The following GRB2 variants were observed in gnomAD, a reference collection of about 807,000 sequenced individuals.
GRB2 encodes growth factor receptor-bound protein 2.
GRB2 carries 2 observed loss-of-function variants against 27.4 expected under a neutral mutation model. The observed-to-expected ratio is 0.07, with a 90% CI of 0.03 to 0.23. GRB2 has a LOEUF of 0.23. Among genes scored for constraint, GRB2 ranks in the 10% least tolerant of loss-of-function variants. The pLI, the probability that GRB2 is intolerant of heterozygous loss-of-function variation, is 1.00. For missense variants in GRB2, 102 were observed against 282.4 expected, an observed-to-expected ratio of 0.36 and a Z score of 4.58; for synonymous variants, 94 against 99.6, an observed-to-expected ratio of 0.94 and a Z score of 0.33.
chr17:75,372,216 T>C (rs1024873063), intron 2 of GRB2: 7 of 152,278 alleles, frequency 4.6e-5, no homozygotes, highest in African/African-American at 1.7e-4. Flanking sequence ...CTAAGAGAAC[T>C]CTTATTTCCA....
chr17:75,399,015 TG>T, intron 1 of GRB2, among the ~76,000 whole-genome samples: 1 of 152,296 alleles, frequency 6.6e-6, no homozygotes, highest in South Asian at 2.1e-4. Context: ...CCCAAAGTGC[TG>T]GGATTACAGG....
chr17:75,391,369 T>C (rs962362470), intron 2 of GRB2, among the ~76,000 whole-genome samples: 15 of 152,236 alleles, frequency 9.9e-5, no homozygotes, highest in Non-Finnish European at 1.0e-4. Flanking sequence ...AAACAGGATC[T>C]TCTTCCCTAA....
chr17:75,348,467 T>C (rs2078668247), intron 2 of GRB2, among the ~76,000 whole-genome samples: 1 of 152,216 alleles, frequency 6.6e-6, no homozygotes, highest in South Asian at 2.1e-4. Context: ...AATTGCACTT[T>C]AGATATTGTT....
intron 2 of GRB2, among the ~76,000 whole-genome samples, chr17:75,337,892 C>T (rs1246340598): frequency 3.9e-5 from 5 of 127,652 alleles, no homozygotes; most frequent in South Asian, 2.6e-4. Context: ...ACTACTACTA[C>T]TACTACTACT....
At chr17:75,400,892 T>C (rs866018238) in intron 1 of GRB2, among the ~76,000 whole-genome samples, 17 of 152,036 alleles carry the variant, frequency 1.1e-4, no homozygotes, top group African/African-American at 3.9e-4. Context: ...AACATACACA[T>C]ATACACCCAC....
chr17:75,353,511 C>T (rs547571451), intron 2 of GRB2, among the ~76,000 whole-genome samples: 2 of 152,192 alleles, frequency 1.3e-5, no homozygotes, highest in South Asian at 2.1e-4. Context: ...ACCTGTAATT[C>T]CAGCACTTTG....
intron 2 of GRB2, among the ~76,000 whole-genome samples, chr17:75,386,150 ACT>A (rs2078962559): frequency 1.3e-5 from 2 of 151,466 alleles, no homozygotes; most frequent in Admixed American, 1.3e-4. Flanking sequence ...ACGGAGTCTC[ACT>A]CTGTCGCCCA....
At chr17:75,338,527 ACC>A (rs1040213937) in intron 2 of GRB2, among the ~76,000 whole-genome samples, 2 of 152,120 alleles carry the variant, frequency 1.3e-5, no homozygotes, top group African/African-American at 4.8e-5. Flanking sequence ...TTTAGCTATT[ACC>A]CCACAGCTGC....
intron 3 of GRB2, among the ~76,000 whole-genome samples, chr17:75,330,378 CTCAA>C (rs2078531368): frequency 6.6e-6 from 1 of 150,848 alleles, no homozygotes; most frequent in South Asian, 2.1e-4. Context: ...GAGACTCCAT[CTCAA>C]ACAAACAAAC....
chr17:75,342,511 C>T (rs762262593), intron 2 of GRB2, among the ~76,000 whole-genome samples: 6 of 152,074 alleles, frequency 3.9e-5, no homozygotes, highest in Non-Finnish European at 5.9e-5. Context: ...CTCAAGCGAT[C>T]CTCCCACCTC....
At chr17:75,338,618 T>C (rs542991367) in intron 2 of GRB2, among the ~76,000 whole-genome samples, 1 of 152,312 alleles carries the variant, frequency 6.6e-6, no homozygotes, top group East Asian at 1.9e-4. Context: ...GGAAGCAGAT[T>C]GATCAAGAGA....
At chr17:75,385,312 A>G (rs2078957103) in intron 2 of GRB2, among the ~76,000 whole-genome samples, 1 of 152,096 alleles carries the variant, frequency 6.6e-6, no homozygotes, top group African/African-American at 2.4e-5. Context: ...TGAGGCAGGC[A>G]TATTACCTGC....
At chr17:75,349,727 C>T (rs1276023504) in intron 2 of GRB2, among the ~76,000 whole-genome samples, 1 of 151,862 alleles carries the variant, frequency 6.6e-6, no homozygotes, top group Non-Finnish European at 1.5e-5. Context: ...ACCATTTTGG[C>T]CAAGCTGGTC....
At chr17:75,347,523 G>A (rs2078663234) in intron 2 of GRB2, among the ~76,000 whole-genome samples, 1 of 152,252 alleles carries the variant, frequency 6.6e-6, no homozygotes, top group South Asian at 2.1e-4. Context: ...GCCACACTGG[G>A]AGAGAAACCA....
At chr17:75,372,313 G>A (rs1406234763) in intron 2 of GRB2, 1 of 152,280 alleles carries the variant, frequency 6.6e-6, no homozygotes, top group African/African-American at 2.4e-5. Context: ...TGAAGAAGGG[G>A]TTTGGGAAAT....
intron 3 of GRB2, among the ~76,000 whole-genome samples, chr17:75,327,763 G>C (rs1292765611): frequency 6.6e-6 from 1 of 152,170 alleles, no homozygotes; most frequent in Admixed American, 6.6e-5. Flanking sequence ...TGATCTGCTA[G>C]GAAGGATACA....
At position 75,331,211 on chromosome 17, in the gene GRB2, G is replaced by GT. The variant is rs1341336544; in HGVS notation, c.176+1488dup. On this transcript the variant is annotated intron_variant, in intron 3 of 5. Coordinates refer to ENST00000316804, the MANE Select transcript of GRB2 (RefSeq NM_002086.5). The stretch of plus-strand genomic sequence containing the variant: ...ATATGGTAGACCTGAATAAATAAGG[G>GT]TTTTTAAGTTGCTAGTTGCCTTTTC... 7.2e-5 allele frequency among the ~76,000 whole-genome samples: 11 copies of GT among 152,322 alleles called. No homozygotes were observed. In the East Asian group the frequency reaches 1.9e-3, roughly 27 times the overall value.
intron 1 of GRB2, among the ~76,000 whole-genome samples, chr17:75,398,391 C>T (rs1406240952): frequency 6.6e-6 from 1 of 151,858 alleles, no homozygotes; most frequent in Non-Finnish European, 1.5e-5. Flanking sequence ...ACCTCAGCCT[C>T]CTTAGTGGGG....
chr17:75,388,584 G>C (rs540087888), intron 2 of GRB2, among the ~76,000 whole-genome samples: 12 of 132,548 alleles, frequency 9.1e-5, no homozygotes, highest in South Asian at 5.0e-4. Flanking sequence ...TTAAAATAGT[G>C]GGGGGGGGGA....
Sources: allele counts gnomAD v4.1 joint callset (sites outside exome capture counted in the v4.1 genomes callset), GRCh38; gene constraint gnomAD v4.1.1; transcripts MANE v1.5; gene names NCBI Gene and HGNC (gene_info 2026-07-23, HGNC 2026-07-21).